Variants in ANKS1B observed in about 807,000 individuals in gnomAD.
ANKS1B encodes ankyrin repeat and sterile alpha motif domain-containing protein 1B.
A neutral mutation model predicts 148.3 loss-of-function variants in ANKS1B; 36 were observed. That is an observed-to-expected ratio of 0.24 (90% confidence interval 0.19 to 0.32). The LOEUF is 0.32. ANKS1B is among the 10% of genes least tolerant of loss of function. The probability of loss-of-function intolerance (pLI) is 1.00; values close to 1 mark genes in which losing one functional copy is unlikely to be tolerated. For synonymous variants in ANKS1B, 542 were observed against 560.8 expected (o/e 0.97, Z 0.47); for missense variants, 1,157 against 1,542.6 (o/e 0.75, Z 4.19).
chr12:99,623,608 T>C (rs2098080612), intron 9 of ANKS1B, among the ~76,000 whole-genome samples: 1 of 151,818 alleles, frequency 6.6e-6, no homozygotes, highest in African/African-American at 2.4e-5. Flanking sequence ...ACCAATAACA[T>C]TTGGCTCTTA....
intron 17 of ANKS1B, among the ~76,000 whole-genome samples, chr12:98,833,053 GTATT>G (rs2099332471): frequency 6.6e-6 from 1 of 152,146 alleles, no homozygotes; most frequent in Admixed American, 6.5e-5. Context: ...CCCCAGGATG[GTATT>G]TTGAATCTGA....
chr12:98,774,090 ATGCCTTGC>A (rs1438745285), intron 24 of ANKS1B, among the ~76,000 whole-genome samples: 1 of 152,228 alleles, frequency 6.6e-6, no homozygotes, highest in Non-Finnish European at 1.5e-5. Context: ...CAGGCCTTGG[ATGCCTTGC>A]TTGATCTGGG....
chr12:98,845,989 C>T (rs1467943918), intron 17 of ANKS1B, among the ~76,000 whole-genome samples: 1 of 138,060 alleles, frequency 7.2e-6, no homozygotes, highest in African/African-American at 2.7e-5. Flanking sequence ...TACACACACA[C>T]ACACACACAC....
At position 99,612,103 on chromosome 12, in the gene ANKS1B, T is replaced by A. The variant is rs368694530; in HGVS notation, c.1272+42964A>T. Among the ~76,000 whole-genome samples, 3 of 152,230 alleles carry A rather than the reference T, an allele frequency of 2.0e-5. No homozygotes were observed. In the East Asian group the frequency reaches 5.8e-4, roughly 29 times the overall value. On this transcript the variant is annotated intron_variant, in intron 9 of 26. Coordinates refer to ENST00000683438, the MANE Select transcript of ANKS1B (RefSeq NM_001352186.2). ...CAGTATTTAGCTGCATTTGAGGGAA[T>A]GTGATCTGAAGTACCACAGCAACCT...
intron 12 of ANKS1B, among the ~76,000 whole-genome samples, chr12:99,331,806 C>A (rs2087614544): frequency 6.6e-6 from 1 of 151,944 alleles, no homozygotes; most frequent in African/African-American, 2.4e-5. Flanking sequence ...GACAGGAGAA[C>A]AACTTCAGGT....
At chr12:99,696,356 T>C (rs369857212) in intron 8 of ANKS1B, among the ~76,000 whole-genome samples, 2 of 152,174 alleles carry the variant, frequency 1.3e-5, no homozygotes, top group East Asian at 1.9e-4. Context: ...GCTACAATAA[T>C]CAAGACAGTG....
chr12:98,981,399 G>A (rs540514283), intron 17 of ANKS1B, among the ~76,000 whole-genome samples: 35 of 152,132 alleles, frequency 2.3e-4, no homozygotes, highest in Admixed American at 1.8e-3. Flanking sequence ...GCAATGGCAC[G>A]ATGTCAGCTC....
At chr12:99,660,373 T>C (rs1200929178) in intron 8 of ANKS1B, among the ~76,000 whole-genome samples, 2 of 148,380 alleles carry the variant, frequency 1.3e-5, no homozygotes, top group Non-Finnish European at 3.0e-5. Context: ...CTTTTTTTTT[T>C]TTTTTTTTGA....
intron 1 of ANKS1B, among the ~76,000 whole-genome samples, chr12:99,928,112 C>G (rs1470818140): frequency 6.6e-6 from 1 of 151,972 alleles, no homozygotes; most frequent in Non-Finnish European, 1.5e-5. Context: ...GAAAGATAAA[C>G]TGGTCCTGAA....
intron 9 of ANKS1B, among the ~76,000 whole-genome samples, chr12:99,615,041 A>G (rs1166645688): frequency 4.6e-5 from 7 of 152,206 alleles, no homozygotes; most frequent in African/African-American, 1.7e-4. Context: ...CATTACTGAT[A>G]TATTGTATCA....
chr12:99,684,101 CCT>C (rs1207259819), intron 8 of ANKS1B, among the ~76,000 whole-genome samples: 2 of 151,928 alleles, frequency 1.3e-5, no homozygotes, highest in Non-Finnish European at 2.9e-5. Flanking sequence ...TACTAGAAAT[CCT>C]AGCCAGAGCA....
rs538904281 is a variant in ANKS1B at position 99,845,805 on chromosome 12, T to A, written c.135-20416A>T. On this transcript the variant is annotated intron_variant, in intron 1 of 26. Transcript: ENST00000683438. ...TAGTTTCAATAGGAATAACACCAAC[T>A]CTTCTTTGTATCTCTGGTAGAATTC... is the stretch of plus-strand genomic sequence containing the variant. Among the ~76,000 whole-genome samples the A allele has an allele frequency of 7.9e-5, 12 of 152,266 alleles. No individual in the cohort carries two copies. In the East Asian group the frequency reaches 2.3e-3, roughly 29 times the overall value.
At chr12:99,120,838 T>C (rs1348935592) in intron 15 of ANKS1B, among the ~76,000 whole-genome samples, 2 of 152,074 alleles carry the variant, frequency 1.3e-5, no homozygotes, top group African/African-American at 4.8e-5. Context: ...AGAGAGAACT[T>C]AGAGGTTTTG....
chr12:99,667,856 T>G (rs2098517173), intron 8 of ANKS1B, among the ~76,000 whole-genome samples: 1 of 152,236 alleles, frequency 6.6e-6, no homozygotes, highest in Admixed American at 6.5e-5. Context: ...TTAATTGATT[T>G]TATCTGTTAA....
chr12:99,607,977 C>T (rs1567463607), intron 9 of ANKS1B, among the ~76,000 whole-genome samples: 1 of 151,772 alleles, frequency 6.6e-6, no homozygotes, highest in African/African-American at 2.4e-5. Flanking sequence ...ATGAGTGGTA[C>T]AAAAAGTACA....
chr12:99,163,314 TAGAG>T (rs2076867154), intron 14 of ANKS1B, among the ~76,000 whole-genome samples: 1 of 152,226 alleles, frequency 6.6e-6, no homozygotes, highest in Non-Finnish European at 1.5e-5. Flanking sequence ...CATGAAATGA[TAGAG>T]AGAGTGATTC....
chr12:99,367,535 T>C (rs1309053837), intron 12 of ANKS1B, among the ~76,000 whole-genome samples: 1 of 152,132 alleles, frequency 6.6e-6, no homozygotes, highest in Non-Finnish European at 1.5e-5. Flanking sequence ...CTATGAATAT[T>C]CCCCAAGAGA....
chr12:99,321,477 GCTCCATGGGCATGGGACC>G (rs2085261240), intron 12 of ANKS1B, among the ~76,000 whole-genome samples: 1 of 152,200 alleles, frequency 6.6e-6, no homozygotes, highest in South Asian at 2.1e-4. Context: ...AGTGAGTGAG[GCTCCATGGGCATGGGACC>G]CTCCGAGCCA....
At chr12:99,880,606 T>A (rs761856244) in intron 1 of ANKS1B, among the ~76,000 whole-genome samples, 2 of 152,220 alleles carry the variant, frequency 1.3e-5, no homozygotes, top group Non-Finnish European at 2.9e-5. Flanking sequence ...TAGTATAGAA[T>A]AGTTGTGTAC....
Sources: gnomAD v4.1 joint callset for allele counts (sites outside exome capture counted in the v4.1 genomes callset) on GRCh38, gnomAD v4.1.1 for gene constraint, MANE v1.5 for transcripts, NCBI Gene and HGNC (gene_info 2026-07-23, HGNC 2026-07-21) for gene names.